NEGR1: variants seen among roughly 807,000 people sequenced by gnomAD.
NEGR1 encodes the protein IgLON family member 4.
Under a neutral mutation model 40.9 loss-of-function variants are expected in NEGR1, and 10 were observed. That is an observed-to-expected ratio of 0.24 (90% CI 0.15 to 0.42). The LOEUF is 0.42. NEGR1 is among the 10% of genes least tolerant of loss of function. The probability of loss-of-function intolerance (pLI) is 1.00; values close to 1 mark genes in which losing one functional copy is unlikely to be tolerated. For synonymous variants in NEGR1, 185 were observed against 166.8 expected (o/e 1.11, Z -0.84); for missense variants, 352 against 438.9 (o/e 0.80, Z 1.77).
chr1:72,228,602 G>A (rs1354713287), intron 1 of NEGR1, among the ~76,000 whole-genome samples: 1 of 151,966 alleles, frequency 6.6e-6, no homozygotes, highest in Non-Finnish European at 1.5e-5. Flanking sequence ...ACAGATTTTG[G>A]CACAAAGAAT....
At chr1:72,048,110 C>A (rs892940009) in intron 1 of NEGR1, among the ~76,000 whole-genome samples, 6 of 151,504 alleles carry the variant, frequency 4.0e-5, no homozygotes, top group Non-Finnish European at 8.9e-5. Flanking sequence ...CCACTTTTAC[C>A]TCTAATTGTG....
chr1:71,601,273 C>T (rs1157074534), intron 5 of NEGR1, among the ~76,000 whole-genome samples: 3 of 152,140 alleles, frequency 2.0e-5, no homozygotes, highest in Non-Finnish European at 4.4e-5. Flanking sequence ...TGAAATACCA[C>T]CTCACACCAG....
chr1:71,831,393 G>T (rs1658835326), intron 2 of NEGR1, among the ~76,000 whole-genome samples: 1 of 151,858 alleles, frequency 6.6e-6, no homozygotes, highest in African/African-American at 2.4e-5. Flanking sequence ...GGTCATTCAT[G>T]TTACTCATTA....
At chr1:72,192,737 G>C (rs1451655537) in intron 1 of NEGR1, among the ~76,000 whole-genome samples, 1 of 151,748 alleles carries the variant, frequency 6.6e-6, no homozygotes, top group Non-Finnish European at 1.5e-5. Flanking sequence ...GCTTCTTCTA[G>C]ATGTTATTTT....
intron 6 of NEGR1, among the ~76,000 whole-genome samples, chr1:71,494,176 C>A (rs935751250): frequency 6.6e-6 from 1 of 152,142 alleles, no homozygotes; most frequent in Non-Finnish European, 1.5e-5. Context: ...TACTAGACCA[C>A]TTAACAAGGT....
chr1:72,158,989 TC>T (rs1299247922), intron 1 of NEGR1, among the ~76,000 whole-genome samples: 5 of 152,124 alleles, frequency 3.3e-5, no homozygotes, highest in Admixed American at 1.3e-4. Flanking sequence ...AGTTCTTTGA[TC>T]CTTGCGAGGC....
intron 1 of NEGR1, among the ~76,000 whole-genome samples, chr1:72,016,865 A>G (rs564938316): frequency 1.9e-3 from 284 of 152,302 alleles, no homozygotes; most frequent in Non-Finnish European, 3.5e-3. Context: ...ATCATTTTGT[A>G]TTATACCTGA....
At chr1:71,631,597 CA>C (rs2101564809) in intron 4 of NEGR1, among the ~76,000 whole-genome samples, 1 of 151,724 alleles carries the variant, frequency 6.6e-6, no homozygotes, top group East Asian at 1.9e-4. Flanking sequence ...AAGGCTTTAC[CA>C]GTGGGTAATC....
At chr1:72,115,198 C>G (rs1235084739) in intron 1 of NEGR1, among the ~76,000 whole-genome samples, 2 of 141,338 alleles carry the variant, frequency 1.4e-5, no homozygotes, top group Non-Finnish European at 3.2e-5. Context: ...TAATTGTGGT[C>G]TTTTATATAT....
intron 1 of NEGR1, among the ~76,000 whole-genome samples, chr1:71,967,753 T>C (rs909821585): frequency 6.6e-6 from 1 of 152,182 alleles, no homozygotes; most frequent in Non-Finnish European, 1.5e-5. Context: ...ATGTAAATAA[T>C]CCGGAAGCAC....
intron 2 of NEGR1, among the ~76,000 whole-genome samples, chr1:71,902,970 C>A (rs998026750): frequency 6.6e-6 from 1 of 151,772 alleles, no homozygotes; most frequent in Non-Finnish European, 1.5e-5. Flanking sequence ...AAACATGAGA[C>A]TAGAATATGC....
chr1:71,606,240 C>T (rs775458012), intron 5 of NEGR1, among the ~76,000 whole-genome samples: 71 of 152,292 alleles, frequency 4.7e-4, no homozygotes, highest in Admixed American at 1.2e-3. Context: ...GGATTAAGCT[C>T]GTCGCCTATG....
chr1:72,053,324 G>T (rs1569884208), intron 1 of NEGR1, among the ~76,000 whole-genome samples: 1 of 150,068 alleles, frequency 6.7e-6, no homozygotes, highest in Non-Finnish European at 1.5e-5. Context: ...TAAGGTAAAA[G>T]ATATATCAAC....
At chr1:71,801,797 T>C (rs1292549740) in intron 2 of NEGR1, among the ~76,000 whole-genome samples, 2 of 152,214 alleles carry the variant, frequency 1.3e-5, no homozygotes, top group Non-Finnish European at 2.9e-5. Flanking sequence ...TTCTTATCTG[T>C]TATGTACTGC....
chr1:71,751,703 C>G (rs1655575837), intron 3 of NEGR1, among the ~76,000 whole-genome samples: 2 of 151,476 alleles, frequency 1.3e-5, no homozygotes, highest in African/African-American at 4.9e-5. Context: ...GTGCTAACTC[C>G]AAGCTACCTT....
At chr1:71,984,661 G>A (rs117097637) in intron 1 of NEGR1, among the ~76,000 whole-genome samples, 1 of 152,048 alleles carries the variant, frequency 6.6e-6, no homozygotes, top group Admixed American at 6.6e-5. Context: ...TAGTTGTAGT[G>A]AGAAATAATT....
intron 3 of NEGR1, among the ~76,000 whole-genome samples, chr1:71,751,395 C>A (rs2101687950): frequency 6.6e-6 from 1 of 152,280 alleles, no homozygotes; most frequent in African/African-American, 2.4e-5. Flanking sequence ...GAATGATCAA[C>A]ATTTAACACA....
intron 2 of NEGR1, among the ~76,000 whole-genome samples, chr1:71,785,966 T>C (rs138191168): frequency 3.9e-5 from 6 of 152,334 alleles, no homozygotes; most frequent in African/African-American, 1.4e-4. Flanking sequence ...TGGTGTTTTA[T>C]GCATTTGCAG....
intron 4 of NEGR1, among the ~76,000 whole-genome samples, chr1:71,629,275 A>G (rs1454350543): frequency 6.6e-6 from 1 of 151,608 alleles, no homozygotes; most frequent in Non-Finnish European, 1.5e-5. Flanking sequence ...AAAAAAGAAA[A>G]TCAATGGTAG....
Sources: allele counts gnomAD v4.1 joint callset (sites outside exome capture counted in the v4.1 genomes callset), GRCh38; gene constraint gnomAD v4.1.1; transcripts MANE v1.5; gene names NCBI Gene and HGNC (gene_info 2026-07-23, HGNC 2026-07-21).